The following RMST variants were observed in gnomAD, a reference collection of about 807,000 sequenced individuals.
RMST encodes long intergenic non-protein coding RNA 54.
intron 11 of RMST, among the ~76,000 whole-genome samples, chr12:97,555,592 G>A (rs1022386727): frequency 3.3e-5 from 5 of 152,262 alleles, no homozygotes; most frequent in East Asian, 3.9e-4. Flanking sequence ...TCAAATGGGC[G>A]AGATTCGGAA....
At chr12:97,532,057 T>C (rs11832929) in intron 11 of RMST, among the ~76,000 whole-genome samples, 21,349 of 151,970 alleles carry the variant, frequency 0.14, 2,034 homozygotes, top group East Asian at 0.36. Context: ...CAGATAATTT[T>C]AGACACTGTT....
At chr12:97,468,039 C>A (rs1442926585) in intron 5 of RMST, among the ~76,000 whole-genome samples, 2 of 151,940 alleles carry the variant, frequency 1.3e-5, no homozygotes, top group African/African-American at 4.8e-5. Flanking sequence ...AATGCACTGC[C>A]AGGGAGGGGC....
chr12:97,559,252 A>T (rs541225286), intron 11 of RMST, among the ~76,000 whole-genome samples: 1 of 152,330 alleles, frequency 6.6e-6, no homozygotes, highest in Non-Finnish European at 1.5e-5. Flanking sequence ...TCAAAATTGT[A>T]TAAACAAACA....
chr12:97,564,223 G>A (rs925103438), exon 14 of RMST: 7 of 181,496 alleles, frequency 3.9e-5, no homozygotes, highest in Non-Finnish European at 7.0e-5. Context: ...GCCTTCTTTC[G>A]CCACCTGTTG....
rs76635842 is a variant in RMST, at chr12:97,489,294, A to C, written n.645-3167A>C. On this transcript the variant is annotated intron_variant and non_coding_transcript_variant, in intron 5 of 13. Coordinates refer to ENST00000640149, the Ensembl canonical transcript of RMST. ...GACCTCATCTCTACTAAAAATACAA[A>C]AAATTAGTCAGGCATGGTGTCGTGC... Among the ~76,000 whole-genome samples, 407 of 152,066 alleles carry C rather than the reference A, an allele frequency of 2.7e-3. 4 individuals carry two copies. The highest frequency in any genetic ancestry group is 9.6e-3 in the African/African-American group (399 of 41,488).
At chr12:97,502,413 G>A (rs1477752723) in intron 10 of RMST, among the ~76,000 whole-genome samples, 2 of 152,124 alleles carry the variant, frequency 1.3e-5, no homozygotes, top group African/African-American at 4.8e-5. Context: ...TTTCCACCTT[G>A]GTTGTGGAGG....
At chr12:97,477,598 G>T (rs1874708320) in intron 5 of RMST, among the ~76,000 whole-genome samples, 1 of 152,158 alleles carries the variant, frequency 6.6e-6, no homozygotes, top group African/African-American at 2.4e-5. Flanking sequence ...ATTAAAAACT[G>T]GTCATAGGTT....
chr12:97,490,352 C>T (rs948233581), intron 5 of RMST, among the ~76,000 whole-genome samples: 4 of 152,174 alleles, frequency 2.6e-5, no homozygotes, highest in East Asian at 1.9e-4. Context: ...CAGACACTGG[C>T]GCCAGACTGC....
At chr12:97,563,640 C>A in intron 13 of RMST, 1 of 374,338 alleles carries the variant, frequency 2.7e-6, no homozygotes, top group Non-Finnish European at 5.2e-6. Flanking sequence ...GTCCTTGTAG[C>A]TAAGAATGTC....
intron 11 of RMST, among the ~76,000 whole-genome samples, chr12:97,555,873 A>T (rs1009124691): frequency 6.6e-6 from 1 of 152,230 alleles, no homozygotes; most frequent in African/African-American, 2.4e-5. Context: ...GGTTCAATCA[A>T]TTTTACCGGC....
At chr12:97,468,292 G>A (rs1873435528) in intron 5 of RMST, among the ~76,000 whole-genome samples, 1 of 151,904 alleles carries the variant, frequency 6.6e-6, no homozygotes, top group African/African-American at 2.4e-5. Context: ...AATTTATTCA[G>A]ATTTTAAAAT....
At chr12:97,527,691 A>G (rs1881249526) in intron 10 of RMST, among the ~76,000 whole-genome samples, 1 of 152,212 alleles carries the variant, frequency 6.6e-6, no homozygotes, top group African/African-American at 2.4e-5. Flanking sequence ...TAGTAAAATT[A>G]TAAGTCATGT....
chr12:97,545,247 C>A (rs1882847122), intron 11 of RMST, among the ~76,000 whole-genome samples: 1 of 152,010 alleles, frequency 6.6e-6, no homozygotes, highest in African/African-American at 2.4e-5. Flanking sequence ...CTATATCTCC[C>A]CAAAATAGTA....
intron 11 of RMST, among the ~76,000 whole-genome samples, chr12:97,550,659 C>T (rs1286143082): frequency 6.6e-6 from 1 of 152,060 alleles, no homozygotes; most frequent in Non-Finnish European, 1.5e-5. Flanking sequence ...TCTGTAGGAT[C>T]TCTATTTTCT....
intron 10 of RMST, among the ~76,000 whole-genome samples, chr12:97,510,168 T>C (rs945816886): frequency 2.0e-5 from 3 of 152,216 alleles, no homozygotes; most frequent in African/African-American, 4.8e-5. Context: ...AAGAAATACA[T>C]TTAATTAACT....
chr12:97,522,305 C>T (rs1477613618), intron 10 of RMST, among the ~76,000 whole-genome samples: 1 of 152,226 alleles, frequency 6.6e-6, no homozygotes, highest in East Asian at 1.9e-4. Context: ...TTTCTTATTA[C>T]TTCCTAATAG....
intron 10 of RMST, among the ~76,000 whole-genome samples, chr12:97,510,563 T>C (rs1294558960): frequency 6.6e-6 from 1 of 152,244 alleles, no homozygotes; most frequent in Non-Finnish European, 1.5e-5. Context: ...AAAGAGGTGA[T>C]TATCCAGTTC....
intron 11 of RMST, among the ~76,000 whole-genome samples, chr12:97,538,433 C>G (rs969918102): frequency 6.6e-6 from 1 of 151,332 alleles, no homozygotes; most frequent in Non-Finnish European, 1.5e-5. Flanking sequence ...GCACTCAGAA[C>G]TCATTAATGG....
At chr12:97,542,985 G>GTTTGGGTAT (rs1450144720) in intron 11 of RMST, among the ~76,000 whole-genome samples, 1 of 151,984 alleles carries the variant, frequency 6.6e-6, no homozygotes, top group Non-Finnish European at 1.5e-5. Context: ...CCTCGTATGT[G>GTTTGGGTAT]TTTGGGTATT....
Sources: allele counts gnomAD v4.1 joint callset (sites outside exome capture counted in the v4.1 genomes callset), GRCh38; gene constraint gnomAD v4.1.1; transcripts MANE v1.5; gene names NCBI Gene and HGNC (gene_info 2026-07-23, HGNC 2026-07-21).